Variants in NAALADL2 observed in about 807,000 individuals in gnomAD.
NAALADL2 encodes the protein N-acetylated alpha-linked acidic dipeptidase like 2.
A neutral mutation model predicts 87.2 loss-of-function variants in NAALADL2; 76 were observed. That is an observed-to-expected ratio of 0.87 (90% CI 0.72 to 1.05). The LOEUF is 1.05. Among genes scored for constraint, NAALADL2 ranks in the 50% least tolerant of loss-of-function variants. The probability of loss-of-function intolerance (pLI) is 0.00; values close to 1 mark genes in which losing one functional copy is unlikely to be tolerated. For missense variants in NAALADL2, 1,089 were observed against 945.8 expected (o/e 1.15, Z -1.99); for synonymous variants, 354 against 331.0 (o/e 1.07, Z -0.75).
intron 2 of NAALADL2, among the ~76,000 whole-genome samples, chr3:174,690,679 C>T (rs1321364685): frequency 1.3e-5 from 2 of 151,994 alleles, no homozygotes; most frequent in Admixed American, 1.3e-4. Flanking sequence ...TGCCTGTGAG[C>T]CTTTTATTTA....
intron 1 of NAALADL2, among the ~76,000 whole-genome samples, chr3:175,016,561 C>A (rs1478915159): frequency 1.3e-5 from 2 of 150,928 alleles, no homozygotes; most frequent in African/African-American, 4.9e-5. Context: ...CTGAAATGTG[C>A]TTTATTAAAA....
In NAALADL2 at chr3:174,864,219, G is replaced by A. The variant is rs543503040; in HGVS notation, c.43+4769G>A. ...TTAGGAAAACAAAATCTGAAGTAAA[G>A]CCTAAGAAATAGTTAATGAAATCAA... On this transcript the variant is annotated intron_variant, in intron 1 of 13. Coordinates refer to ENST00000454872, the MANE Select transcript of NAALADL2 (RefSeq NM_207015.3). 418 of 345,814 alleles carry A rather than the reference G, an allele frequency of 1.2e-3. 7 individuals carry two copies. The highest frequency in any genetic ancestry group is 2.3e-3 in the Middle Eastern group (6 of 2,610). The allele number at this position is 345,814 out of a possible 1,614,324, so 21.4% of individuals were successfully genotyped here.
intron 10 of NAALADL2, among the ~76,000 whole-genome samples, chr3:175,616,766 G>A (rs1725405203): frequency 6.6e-6 from 1 of 152,132 alleles, no homozygotes; most frequent in South Asian, 2.1e-4. Flanking sequence ...CCCAATATTG[G>A]GGTAATACAA....
chr3:175,324,648 A>G (rs1760456556), intron 5 of NAALADL2, among the ~76,000 whole-genome samples: 2 of 152,218 alleles, frequency 1.3e-5, no homozygotes, highest in South Asian at 2.1e-4. Context: ...AGGTAAGCCA[A>G]TAGCATGTAC....
At chr3:174,864,447 G>A (rs1407993883) in intron 1 of NAALADL2, among the ~76,000 whole-genome samples, 1 of 152,008 alleles carries the variant, frequency 6.6e-6, no homozygotes, top group Admixed American at 6.6e-5. Context: ...TGTTCCTGGA[G>A]TTTGTTTAAT....
At chr3:174,940,440 G>A (rs35237635) in intron 1 of NAALADL2, among the ~76,000 whole-genome samples, 6,256 of 152,088 alleles carry the variant, frequency 0.041, 432 homozygotes, top group African/African-American at 0.14. Context: ...TTTTGCATCT[G>A]TGTTCATCCA....
At chr3:175,742,358 C>T (rs1345596036) in intron 12 of NAALADL2, among the ~76,000 whole-genome samples, 2 of 152,008 alleles carry the variant, frequency 1.3e-5, no homozygotes, top group South Asian at 2.1e-4. Flanking sequence ...GAAAGGCATA[C>T]GAATTTATAT....
chr3:175,269,555 C>T (rs992661530), intron 4 of NAALADL2, among the ~76,000 whole-genome samples: 3 of 152,172 alleles, frequency 2.0e-5, no homozygotes, highest in African/African-American at 4.8e-5. Flanking sequence ...ATGACCTGTG[C>T]GGAGCCACGA....
chr3:175,097,119 G>T lies in NAALADL2; in HGVS notation c.373G>T (p.Val125Phe), dbSNP rs150099163. Reference sequence around the variant, plus strand: ...GAGCAATCGCTGCAACTTTTGCCACGTCTTAAAAATACTTTGCACAGCCAC... The same window carrying T: ...GAGCAATCGCTGCAACTTTTGCCACTTCTTAAAAATACTTTGCACAGCCAC... ...PKSNRCNFCHVLKILCTATIL... is the reference protein window; with the variant it reads ...PKSNRCNFCHFLKILCTATIL... Residue 125 changes from valine to phenylalanine, a missense_variant, in exon 2 of 14, where the codon GTC becomes TTC. Physicochemically the swap from Val to Phe is conservative, Grantham distance 50 (BLOSUM62 -1). Coordinates refer to ENST00000454872, the MANE Select transcript of NAALADL2 (RefSeq NM_207015.3). 1.2e-6 allele frequency: 2 copies of T among 1,613,674 alleles called. No individual in the cohort carries two copies. The highest frequency in any genetic ancestry group is 1.7e-6 in the Non-Finnish European group (2 of 1,179,700).
chr3:175,795,108 A>G (rs561580768), intron 13 of NAALADL2, among the ~76,000 whole-genome samples: 36 of 152,230 alleles, frequency 2.4e-4, no homozygotes, highest in African/African-American at 7.2e-4. Flanking sequence ...CCAAGGCTCC[A>G]CTTCCTAATA....
At chr3:174,557,727 T>C (rs1254694558) in intron 2 of NAALADL2, among the ~76,000 whole-genome samples, 1 of 152,086 alleles carries the variant, frequency 6.6e-6, no homozygotes. Flanking sequence ...TTTAAATGTA[T>C]CTTTGTCAGG....
At chr3:175,102,896 T>G (rs6788964) in intron 2 of NAALADL2, among the ~76,000 whole-genome samples, 63,036 of 151,788 alleles carry the variant, frequency 0.42, 13,442 homozygotes, top group Non-Finnish European at 0.47. Context: ...GATCACGAGG[T>G]CAAGAGATTG....
At chr3:174,765,029 A>C (rs1205417358) in intron 3 of NAALADL2, among the ~76,000 whole-genome samples, 2 of 152,080 alleles carry the variant, frequency 1.3e-5, no homozygotes, top group East Asian at 3.9e-4. Flanking sequence ...CAGCATTAAA[A>C]TAATACAAAG....
chr3:175,084,594 AT>A (rs1432954081), intron 1 of NAALADL2, among the ~76,000 whole-genome samples: 1 of 152,212 alleles, frequency 6.6e-6, no homozygotes, highest in Non-Finnish European at 1.5e-5. Context: ...GAACCATCAC[AT>A]TTAAATTAAA....
intron 12 of NAALADL2, among the ~76,000 whole-genome samples, chr3:175,742,558 C>T (rs146129225): frequency 0.14 from 20,956 of 151,746 alleles, 1,522 homozygotes; most frequent in Middle Eastern, 0.2. Flanking sequence ...CCACCACACC[C>T]GGCTAATTTT....
intron 1 of NAALADL2, among the ~76,000 whole-genome samples, chr3:174,493,518 A>G (rs1258242702): frequency 2.0e-5 from 3 of 152,254 alleles, no homozygotes; most frequent in Non-Finnish European, 2.9e-5. Flanking sequence ...AAATTCCATT[A>G]TGAGAAAATA....
chr3:175,802,190 T>A (rs1754248140), intron 13 of NAALADL2, among the ~76,000 whole-genome samples: 1 of 152,066 alleles, frequency 6.6e-6, no homozygotes, highest in Non-Finnish European at 1.5e-5. Context: ...ACATTGATGA[T>A]ACCATTATCA....
intron 9 of NAALADL2, among the ~76,000 whole-genome samples, chr3:175,541,450 A>G (rs768751310): frequency 1.3e-5 from 2 of 152,198 alleles, no homozygotes; most frequent in African/African-American, 2.4e-5. Flanking sequence ...TCTAACACAA[A>G]GCCGATTTTA....
chr3:174,724,924 G>T (rs1261277091), intron 2 of NAALADL2, among the ~76,000 whole-genome samples: 1 of 152,136 alleles, frequency 6.6e-6, no homozygotes, highest in Non-Finnish European at 1.5e-5. Flanking sequence ...AAAATGCAGA[G>T]TCTGGAGCCC....
Sources: gnomAD v4.1 joint callset for allele counts (sites outside exome capture counted in the v4.1 genomes callset) on GRCh38, gnomAD v4.1.1 for gene constraint, MANE v1.5 for transcripts, NCBI Gene and HGNC (gene_info 2026-07-23, HGNC 2026-07-21) for gene names.